The following CYP4F12 variants were observed in gnomAD, a reference collection of about 807,000 sequenced individuals.
CYP4F12 encodes the protein cytochrome P450 4F12.
CYP4F12 carries 60 observed loss-of-function variants against 56.5 expected under a neutral mutation model. The ratio of observed to expected loss-of-function variants is 1.06; its 90% CI spans 0.86 to 1.32. CYP4F12 has a LOEUF of 1.32. Ranked by LOEUF, CYP4F12 falls within the 40% of genes most tolerant of loss-of-function variation. The pLI, the probability that CYP4F12 is intolerant of heterozygous loss-of-function variation, is 0.00. For synonymous variants in CYP4F12, 263 were observed against 264.9 expected, an observed-to-expected ratio of 0.99 and a Z score of 0.07; for missense variants, 711 against 683.5, an observed-to-expected ratio of 1.04 and a Z score of -0.45.
intron 6 of CYP4F12, 67 bp from the exon 7 acceptor site, chr19:15,683,426 G>A (rs765655887): frequency 1.2e-4 from 188 of 1,505,608 alleles, no homozygotes; most frequent in Non-Finnish European, 1.6e-4. Flanking sequence ...CTGGCTGCTG[G>A]TGGGAGGTGT....
chr19:15,689,125 C>A (rs904957063), intron 9 of CYP4F12, among the ~76,000 whole-genome samples: 1 of 99,116 alleles, frequency 1.0e-5, no homozygotes, highest in Non-Finnish European at 2.2e-5. Flanking sequence ...TTCTGCACAA[C>A]AAAATAATAA....
Position 15,696,495 on chromosome 19 carries a change from T to C in CYP4F12, c.1380T>C (p.Pro460=), listed in dbSNP as rs688755. ...SKGRSPLAFI[P]FSAGPRNCIG... is the part of the protein sequence containing the mutation. Reference sequence around the variant, plus strand: ...GGAGGTCACCTCTGGCTTTTATTCCTTTCTCCGCAGGGCCCAGGTAAGAGC... The same window carrying C: ...GGAGGTCACCTCTGGCTTTTATTCCCTTCTCCGCAGGGCCCAGGTAAGAGC... The change falls in exon 12 of 13, where the codon CCT becomes CCC. Residue 460 remains proline, a synonymous_variant. Transcript: ENST00000550308. 0.25 allele frequency: 398,026 copies of C among 1,613,614 alleles called. 51,495 individuals carry two copies. Among genetic ancestry groups the C allele is most frequent in the African/African-American group, 0.4 (29,700 of 74,842 alleles).
chr19:15,696,518 A>T lies in CYP4F12; in HGVS notation c.1397+6A>T. 1 of 1,612,164 alleles carries T rather than the reference A, an allele frequency of 6.2e-7. No individual in the cohort carries two copies. Among genetic ancestry groups the T allele is most frequent in the Non-Finnish European group, 8.5e-7 (1 of 1,179,510 alleles). ...CCTTTCTCCGCAGGGCCCAGGTAAG[A>T]GCGCCCTGTGTCTGAGGCAGGGATG... On this transcript the variant is annotated splice_donor_region_variant and intron_variant, in intron 12 of 12. Coordinates refer to ENST00000550308, the MANE Select transcript of CYP4F12 (RefSeq NM_023944.4).
intron 9 of CYP4F12, among the ~76,000 whole-genome samples, chr19:15,686,614 C>G (rs1484960627): frequency 6.6e-6 from 1 of 152,156 alleles, no homozygotes; most frequent in African/African-American, 2.4e-5. Context: ...AAAGCAGAGT[C>G]TGGCTGTGGA....
intron 9 of CYP4F12, 59 bp downstream of exon 9, chr19:15,685,256 G>C: frequency 6.3e-7 from 1 of 1,584,364 alleles, no homozygotes; most frequent in Non-Finnish European, 8.6e-7. Context: ...CTCCCCAAGT[G>C]AGGAGGGGTG....
rs566080636 is a variant in CYP4F12, at chr19:15,680,548, T to A, written c.525+29T>A. ...AGTCCCTTGAAGTCTGGGTCCCAGA[T>A]GGAGTCTTGGGGTGGAGGGACCATG... On this transcript the variant is annotated intron_variant, in intron 5 of 12. Transcript: ENST00000550308. The A allele has an allele frequency of 1.3e-5, 21 of 1,613,944 alleles. No individual in the cohort carries two copies. The African/African-American group carries it at 2.4e-4, about 18-fold the overall frequency.
intron 9 of CYP4F12, among the ~76,000 whole-genome samples, chr19:15,694,169 C>T (rs1301772191): frequency 4.8e-4 from 73 of 150,818 alleles, no homozygotes; most frequent in African/African-American, 1.5e-3. Flanking sequence ...CTTGGCGATG[C>T]GGGCTCCTTT....
Position 15,673,485 on chromosome 19 carries a change from C to T in CYP4F12, c.-1-44C>T, listed in dbSNP as rs753794579. The T allele has an allele frequency of 8.3e-6, 13 of 1,567,118 alleles. No individual in the cohort carries two copies. In the East Asian group the frequency reaches 2.9e-4, roughly 35 times the overall value. On this transcript the variant is annotated intron_variant, in intron 1 of 12. Transcript: ENST00000550308. ...CCTATACACTGTCCCCGGAGCTCTTCCCTGGGCCTCAGGTCCTCACCCTGC... is the reference window on the plus strand; with the variant it reads ...CCTATACACTGTCCCCGGAGCTCTTTCCTGGGCCTCAGGTCCTCACCCTGC...
rs1455451592 is a variant in CYP4F12, at chr19:15,676,426, CCTCTCCT to C, written c.199-1833_199-1827del. Among the ~76,000 whole-genome samples, 15 of 25,780 alleles carry C rather than the reference CCTCTCCT, an allele frequency of 5.8e-4. 1 individual carries two copies. The highest frequency in any genetic ancestry group is 1.2e-3 in the South Asian group (1 of 820). The allele number at this position is 25,780 out of a possible 152,430, so 16.9% of individuals were successfully genotyped here. A position where few individuals can be genotyped will look rare whatever the true frequency, so the allele number is the denominator to read the frequency against. ...TCATTCCTGTGCCCATTCACTCATT[CCTCTCCT>C]CACTCACTCATTCCTCTCCTCATTC... On this transcript the variant is annotated intron_variant, in intron 2 of 12. Transcript: ENST00000550308.
intron 1 of CYP4F12, 111 bp from the exon 2 acceptor site, chr19:15,673,416 CCT>C: frequency 2.4e-6 from 3 of 1,229,370 alleles, no homozygotes; most frequent in Non-Finnish European, 3.4e-6. Context: ...TTTACTCACC[CCT>C]GAGCCCTCCC....
intron 9 of CYP4F12, among the ~76,000 whole-genome samples, chr19:15,690,398 G>A (rs1476771397): frequency 1.3e-5 from 2 of 152,100 alleles, no homozygotes; most frequent in Non-Finnish European, 2.9e-5. Flanking sequence ...ATTAACTGTA[G>A]TCACCATGCA....
intron 2 of CYP4F12, among the ~76,000 whole-genome samples, chr19:15,675,814 A>G (rs1482569678): frequency 5.3e-5 from 8 of 152,210 alleles, no homozygotes; most frequent in African/African-American, 1.4e-4. Flanking sequence ...AGGGAGGTGC[A>G]TTAGTCAGGG....
At chr19:15,693,857 A>G (rs1304054955) in intron 9 of CYP4F12, among the ~76,000 whole-genome samples, 1 of 139,084 alleles carries the variant, frequency 7.2e-6, no homozygotes, top group Non-Finnish European at 1.6e-5. Context: ...TCTTGAATTA[A>G]TTTTTGTATA....
intron 6 of CYP4F12, 66 bp downstream of exon 6, chr19:15,682,576 G>T (rs1599962324): frequency 6.2e-7 from 1 of 1,600,736 alleles, no homozygotes; most frequent in Non-Finnish European, 8.5e-7. Context: ...GGGGAGGGAG[G>T]AATGAGCAAA....
chr19:15,681,362 G>C (rs2007289655), intron 5 of CYP4F12: 1 of 152,232 alleles, frequency 6.6e-6, no homozygotes, highest in Non-Finnish European at 1.5e-5. Context: ...ATTTTGTGAA[G>C]TGTCTAGGAT....
chr19:15,687,501 T>A (rs1568422630), intron 9 of CYP4F12, among the ~76,000 whole-genome samples: 1 of 152,182 alleles, frequency 6.6e-6, no homozygotes, highest in Non-Finnish European at 1.5e-5. Flanking sequence ...AAGGACAGAA[T>A]AGTGTGTAGA....
chr19:15,694,203 T>G (rs896181629), intron 9 of CYP4F12, among the ~76,000 whole-genome samples: 12 of 100,342 alleles, frequency 1.2e-4, no homozygotes, highest in Non-Finnish European at 2.4e-4. Flanking sequence ...AACTTTAAAG[T>G]AGTTTTTTCC....
intron 3 of CYP4F12, 50 bp from the exon 4 acceptor site, chr19:15,680,194 G>A: frequency 6.4e-7 from 1 of 1,553,180 alleles, no homozygotes; most frequent in East Asian, 2.2e-5. Flanking sequence ...TATACCTGAA[G>A]TTCCTCTCTT....
At chr19:15,683,074 G>A (rs1390837043) in intron 6 of CYP4F12, among the ~76,000 whole-genome samples, 1 of 147,996 alleles carries the variant, frequency 6.8e-6, no homozygotes, top group Admixed American at 7.1e-5. Context: ...GAGAGGGAGA[G>A]AGAGAGAGAC....
Sources: allele counts gnomAD v4.1 joint callset (sites outside exome capture counted in the v4.1 genomes callset), GRCh38; gene constraint gnomAD v4.1.1; transcripts MANE v1.5; gene names NCBI Gene and HGNC (gene_info 2026-07-23, HGNC 2026-07-21).